The following CHL1 variants were observed in gnomAD, a reference collection of about 807,000 sequenced individuals.
The protein encoded by CHL1 is neural cell adhesion molecule L1-like protein.
In CHL1, 96 loss-of-function variants were observed where a neutral mutation model predicts 141.9. The observed-to-expected ratio is 0.68, with a 90% CI of 0.57 to 0.80. CHL1 has a LOEUF of 0.80. Among genes scored for constraint, CHL1 ranks in the 30% least tolerant of loss-of-function variants. The pLI is 0.00. For missense variants in CHL1, 1,820 were observed against 1,457.2 expected, an observed-to-expected ratio of 1.25 and a Z score of -4.05; for synonymous variants, 613 against 502.2, an observed-to-expected ratio of 1.22 and a Z score of -2.95.
At chr3:242,328 G>A (rs1409204434) in intron 1 of CHL1, among the ~76,000 whole-genome samples, 1 of 144,634 alleles carries the variant, frequency 6.9e-6, no homozygotes, top group African/African-American at 2.5e-5. Context: ...TGAGCGCGGT[G>A]GCTCACGCCT....
intron 1 of CHL1, among the ~76,000 whole-genome samples, chr3:206,461 CT>C (rs1218918411): frequency 1.3e-5 from 2 of 151,490 alleles, no homozygotes; most frequent in East Asian, 3.9e-4. Context: ...GCGAGACTGT[CT>C]TAAAAAAAAA....
chr3:357,452 T>C (rs2125241260), intron 11 of CHL1, among the ~76,000 whole-genome samples: 1 of 152,280 alleles, frequency 6.6e-6, no homozygotes, highest in Non-Finnish European at 1.5e-5. Context: ...AAAAATAGAT[T>C]CTATTATTCT....
intron 2 of CHL1, among the ~76,000 whole-genome samples, chr3:263,883 A>T (rs1014700158): frequency 6.6e-6 from 1 of 152,212 alleles, no homozygotes; most frequent in Non-Finnish European, 1.5e-5. Flanking sequence ...GAATATATTC[A>T]TGTGCTGTGC....
chr3:311,657 T>C (rs1699763602), intron 2 of CHL1, among the ~76,000 whole-genome samples: 1 of 152,140 alleles, frequency 6.6e-6, no homozygotes, highest in Admixed American at 6.5e-5. Flanking sequence ...GAGCTGGCCA[T>C]GTGGGATGCT....
intron 5 of CHL1, among the ~76,000 whole-genome samples, chr3:336,803 T>C (rs1221928868): frequency 2.0e-5 from 3 of 152,232 alleles, no homozygotes; most frequent in Non-Finnish European, 2.9e-5. Context: ...TCAAAACTCA[T>C]TGACAGCATC....
intron 23 of CHL1, among the ~76,000 whole-genome samples, chr3:393,207 T>A (rs573857586): frequency 8.6e-6 from 1 of 116,518 alleles, no homozygotes; most frequent in African/African-American, 3.1e-5. Flanking sequence ...CACTCCAGCC[T>A]GGGCGACAGA....
Position 390,607 on chromosome 3 carries a change from TCTC to T in CHL1, c.2471-92_2471-90del, listed in dbSNP as rs1469064024. The T allele has an allele frequency of 1.3e-5, 9 of 709,476 alleles. No homozygotes were observed. In the East Asian group the frequency reaches 2.3e-4, roughly 18 times the overall value. 43.9% of individuals were successfully genotyped at this position (709,476 alleles called of 1,614,324 possible). Reference sequence around the variant, plus strand: ...TGGAGTGAATTTCACAAAAGTGCTTTCTCCAGAAGAAACATTATGAAAATTTTT... The same window carrying T: ...TGGAGTGAATTTCACAAAAGTGCTTTCAGAAGAAACATTATGAAAATTTTT... On this transcript the variant is annotated intron_variant, in intron 20 of 27. Coordinates refer to ENST00000256509, the MANE Select transcript of CHL1 (RefSeq NM_006614.4).
At chr3:393,973 A>G (rs1575280664) in intron 23 of CHL1, among the ~76,000 whole-genome samples, 1 of 152,138 alleles carries the variant, frequency 6.6e-6, no homozygotes, top group African/African-American at 2.4e-5. Flanking sequence ...CCTTCTTGCC[A>G]CTAACAGCTG....
At chr3:267,642 A>T (rs184606162) in intron 2 of CHL1, among the ~76,000 whole-genome samples, 4 of 152,310 alleles carry the variant, frequency 2.6e-5, no homozygotes, top group Non-Finnish European at 5.9e-5. Context: ...TACCGATTTT[A>T]AAATTAACAC....
In CHL1 at chr3:354,650, C is replaced by A. The variant is rs371968194; in HGVS notation, c.1044C>A (p.Arg348=). Residue 348 remains arginine, a synonymous_variant, in exon 11 of 28, where the codon CGC becomes CGA. Coordinates refer to ENST00000256509, the MANE Select transcript of CHL1 (RefSeq NM_006614.4). ...TCACTTTACATCCAGAGCCTCCTCG[C>A]TGGACAAAGAAGCCTCAGAGTGCTG... ...DFHVIVEEPP[R]WTKKPQSAVY... is the part of the protein sequence containing the mutation. The A allele has an allele frequency of 3.7e-5, 60 of 1,612,066 alleles. No individual in the cohort carries two copies. The highest frequency in any genetic ancestry group is 4.8e-5 in the Non-Finnish European group (57 of 1,179,156).
intron 1 of CHL1, among the ~76,000 whole-genome samples, chr3:208,816 C>T (rs181469016): frequency 2.0e-5 from 3 of 152,238 alleles, no homozygotes; most frequent in Admixed American, 2.0e-4. Context: ...TTGAATTATA[C>T]AGGATAGTTT....
intron 2 of CHL1, among the ~76,000 whole-genome samples, chr3:312,369 T>A (rs959522838): frequency 6.6e-6 from 1 of 152,356 alleles, no homozygotes; most frequent in Admixed American, 6.5e-5. Flanking sequence ...GATATGGCTA[T>A]AATGCACAGT....
chr3:394,179 T>G (rs1708477575), intron 23 of CHL1, among the ~76,000 whole-genome samples: 1 of 152,198 alleles, frequency 6.6e-6, no homozygotes, highest in Non-Finnish European at 1.5e-5. Context: ...ATTTAATATA[T>G]TCCTTCATTT....
intron 2 of CHL1, among the ~76,000 whole-genome samples, chr3:274,868 T>A (rs1447410353): frequency 6.6e-6 from 1 of 152,242 alleles, no homozygotes; most frequent in African/African-American, 2.4e-5. Flanking sequence ...TGAATCCTGT[T>A]GCTTTCTGTA....
intron 2 of CHL1, 92 bp from the exon 3 acceptor site, chr3:319,591 C>CAAAAAAAAAAAA: frequency 3.3e-6 from 1 of 302,026 alleles, no homozygotes; most frequent in Non-Finnish European, 5.9e-6. Flanking sequence ...ACTGCCAAAC[C>CAAAAAAAAAAAA]AAAAAAAAAA....
chr3:404,918 A>G (rs1210188745), intron 27 of CHL1, among the ~76,000 whole-genome samples: 2 of 152,182 alleles, frequency 1.3e-5, no homozygotes, highest in Non-Finnish European at 2.9e-5. Context: ...GCCTAAGAGC[A>G]AAGTGCCAGC....
intron 1 of CHL1, among the ~76,000 whole-genome samples, chr3:222,168 C>G (rs976282533): frequency 6.6e-6 from 1 of 152,104 alleles, no homozygotes; most frequent in African/African-American, 2.4e-5. Context: ...TGGCTTAAAC[C>G]AACATACCTT....
chr3:280,313 A>G (rs1243853832), intron 2 of CHL1, among the ~76,000 whole-genome samples: 2 of 152,008 alleles, frequency 1.3e-5, no homozygotes, highest in Non-Finnish European at 2.9e-5. Context: ...ACTGTCATGG[A>G]TGGTAGCTAT....
rs1267460787 is a variant in CHL1, at chr3:391,683, C to G, written c.2800C>G (p.Gln934Glu). 4 of 1,602,462 alleles carry G rather than the reference C, an allele frequency of 2.5e-6. No homozygotes were observed. The highest frequency in any genetic ancestry group is 3.4e-6 in the Non-Finnish European group (4 of 1,174,588). Reference protein sequence around the residue: ...IFQTPEGVPEQPTFLKVIKVD... With the variant: ...IFQTPEGVPEEPTFLKVIKVD... ...GGTCTTGTGTTTTCTAGTACCTGAA[C>G]AGCCAACTTTTCTAAAGGTCATCAA... The change falls in exon 23 of 28, where the codon CAG (glutamine) becomes GAG (glutamate). Residue 934 changes from glutamine (Q) to glutamate (E), a missense_variant. Physicochemically the swap from Gln to Glu is conservative, Grantham distance 29. Coordinates refer to ENST00000256509, the MANE Select transcript of CHL1 (RefSeq NM_006614.4).
Sources: allele counts gnomAD v4.1 joint callset (sites outside exome capture counted in the v4.1 genomes callset), GRCh38; gene constraint gnomAD v4.1.1; transcripts MANE v1.5; gene names NCBI Gene and HGNC (gene_info 2026-07-23, HGNC 2026-07-21).